The following SFXN2 variants were observed in gnomAD, a reference collection of about 807,000 sequenced individuals.
SFXN2 encodes sideroflexin-2.
In SFXN2, 37 loss-of-function variants were observed where a neutral mutation model predicts 41.9. That is an observed-to-expected ratio of 0.88 (90% CI 0.68 to 1.16). The LOEUF is 1.16. Ranked by LOEUF, SFXN2 falls within the 50% of genes most tolerant of loss-of-function variation. The pLI is 0.00. For synonymous variants in SFXN2, 150 were observed against 156.7 expected (o/e 0.96, Z 0.32); for missense variants, 386 against 425.2 (o/e 0.91, Z 0.81).
intron 3 of SFXN2, 71 bp downstream of exon 3, chr10:102,727,228 T>A: frequency 6.8e-7 from 1 of 1,475,710 alleles, no homozygotes; most frequent in Non-Finnish European, 9.2e-7. Context: ...CATACTATGA[T>A]AATAATAATA....
chr10:102,724,138 T>A lies in SFXN2; in HGVS notation c.-25-2474T>A, dbSNP rs1458163031. ...TGTTCCTGCATTAGTTTGCTAAGGA[T>A]AATGGCCTCCATCTTCATCCATGTC... On this transcript the variant is annotated intron_variant, in intron 1 of 11. Coordinates refer to ENST00000369893, the MANE Select transcript of SFXN2 (RefSeq NM_178858.6). Among the ~76,000 whole-genome samples, 2 of 152,258 alleles carry A rather than the reference T, an allele frequency of 1.3e-5. 1 individual carries two copies. The highest frequency in any genetic ancestry group is 1.3e-4 in the Admixed American group (2 of 15,280).
intron 1 of SFXN2, among the ~76,000 whole-genome samples, chr10:102,722,456 C>T (rs1264303492): frequency 2.6e-5 from 4 of 152,160 alleles, no homozygotes; most frequent in Non-Finnish European, 5.9e-5. Context: ...ATTGTTGCTA[C>T]TATTGTTTTA....
In SFXN2 at chr10:102,734,807, C is replaced by T. The variant is rs1480416429; in HGVS notation, c.822-1055C>T. ...TACCAACCCAGGTCTGTCAGAGTCCCGCGTCCTGTAAGACCTTGCCTCCCA... is the reference window on the plus strand; with the variant it reads ...TACCAACCCAGGTCTGTCAGAGTCCTGCGTCCTGTAAGACCTTGCCTCCCA... On this transcript the variant is annotated intron_variant, in intron 10 of 11. Transcript: ENST00000369893. The surrounding 1 kb of genome is among the most constrained non-coding windows in gnomAD (Gnocchi z 4.1). Among the ~76,000 whole-genome samples, 2 of 152,100 alleles carry T rather than the reference C, an allele frequency of 1.3e-5. No homozygotes were observed. The highest frequency in any genetic ancestry group is 2.1e-4 in the South Asian group (1 of 4,822).
chr10:102,727,225 T>C, intron 3 of SFXN2, 68 bp downstream of exon 3: 1 of 1,489,240 alleles, frequency 6.7e-7, no homozygotes, highest in South Asian at 1.3e-5. Context: ...AGCCATACTA[T>C]GATAATAATA....
chr10:102,733,013 C>G (rs1463080073), intron 9 of SFXN2, 105 bp downstream of exon 9: 8 of 1,160,770 alleles, frequency 6.9e-6, no homozygotes, highest in Non-Finnish European at 1.0e-5. Context: ...TTCCCTTTAG[C>G]TACCATGCTG....
intron 1 of SFXN2, among the ~76,000 whole-genome samples, chr10:102,726,100 G>A (rs1487587833): frequency 6.6e-6 from 1 of 151,878 alleles, no homozygotes; most frequent in East Asian, 1.9e-4. Flanking sequence ...CAGGTGCCTG[G>A]CACTGCGCCC....
chr10:102,740,767 C>G lies in SFXN2; in HGVS notation c.*3005C>G, dbSNP rs574958880. ...AATTTGATTTTAGCTGGTGTCTGAA[C>G]AGAAAAGTCTGTCTTTGAGCTAGCT... On this transcript the variant is annotated 3_prime_UTR_variant, in exon 12 of 12. Transcript: ENST00000369893. 1 of 152,164 alleles carries G rather than the reference C, an allele frequency of 6.6e-6. No individual in the cohort carries two copies. Among genetic ancestry groups the G allele is most frequent in the Non-Finnish European group, 1.5e-5 (1 of 68,036 alleles). The allele number at this position is 152,164 out of a possible 1,614,324, so 9.4% of individuals were successfully genotyped here. A position where few individuals can be genotyped will look rare whatever the true frequency, so the allele number is the denominator to read the frequency against.
chr10:102,733,802 G>A (rs552057072), intron 10 of SFXN2, among the ~76,000 whole-genome samples, 199 bp downstream of exon 10: 5 of 152,252 alleles, frequency 3.3e-5, no homozygotes, highest in African/African-American at 7.2e-5. Flanking sequence ...CTTTATGCAC[G>A]TGTCCATGTA....
chr10:102,736,571 C>T (rs534237786), intron 11 of SFXN2, among the ~76,000 whole-genome samples: 1 of 152,192 alleles, frequency 6.6e-6, no homozygotes, highest in African/African-American at 2.4e-5. Context: ...CACGTGCCAC[C>T]ACGCACAGCT....
Position 102,737,690 on chromosome 10 carries a change from G to T in SFXN2, c.897G>T (p.Pro299=). 1 of 1,612,508 alleles carries T rather than the reference G, an allele frequency of 6.2e-7. No homozygotes were observed. Among genetic ancestry groups the T allele is most frequent in the South Asian group, 1.1e-5 (1 of 90,966 alleles). The change falls in exon 12 of 12, where the codon CCG becomes CCT. Residue 299 remains proline (P), a synonymous_variant. Transcript: ENST00000369893. The stretch of plus-strand genomic sequence containing the variant: ...AATTGCCAGTTTCCTATCTGGAACC[G>T]AAGCTCCAAGACACTATCAAGGCCA... ...KCELPVSYLE[P]KLQDTIKAKY... is the part of the protein sequence containing the mutation.
intron 6 of SFXN2, among the ~76,000 whole-genome samples, chr10:102,730,888 C>A (rs1339978230): frequency 6.6e-6 from 1 of 152,148 alleles, no homozygotes; most frequent in African/African-American, 2.4e-5. Flanking sequence ...GAGATCGAGA[C>A]CATCCTGGCT....
chr10:102,728,631 C>G (rs1211985967), intron 4 of SFXN2, 102 bp downstream of exon 4: 2 of 958,068 alleles, frequency 2.1e-6, no homozygotes, highest in African/African-American at 1.6e-5. Flanking sequence ...CTGCACTGAG[C>G]AGGTGACCAA....
intron 1 of SFXN2, among the ~76,000 whole-genome samples, chr10:102,723,117 G>GA (rs991123848): frequency 5.4e-5 from 8 of 148,258 alleles, no homozygotes; most frequent in South Asian, 2.1e-4. Context: ...TTTTTTGGTA[G>GA]AAAAAAAAAT....
chr10:102,718,127 C>T (rs932979099), intron 1 of SFXN2, among the ~76,000 whole-genome samples: 7 of 152,228 alleles, frequency 4.6e-5, no homozygotes, highest in Admixed American at 2.0e-4. Flanking sequence ...GACAGGGACT[C>T]TGCAGTTTCT....
At chr10:102,725,190 C>T (rs1257007063) in intron 1 of SFXN2, among the ~76,000 whole-genome samples, 1 of 152,164 alleles carries the variant, frequency 6.6e-6, no homozygotes, top group East Asian at 1.9e-4. Context: ...CCTGCTGGTG[C>T]AGTGGTGAGG....
At chr10:102,736,683 G>A (rs1207226336) in intron 11 of SFXN2, among the ~76,000 whole-genome samples, 1 of 151,874 alleles carries the variant, frequency 6.6e-6, no homozygotes, top group African/African-American at 2.4e-5. Context: ...CCAAAGTGCT[G>A]GCACTACAGG....
rs1232931494 is a variant in SFXN2, at chr10:102,742,389, C to T, written c.*4627C>T. The T allele has an allele frequency of 6.6e-6, 1 of 151,818 alleles. No individual in the cohort carries two copies. The highest frequency in any genetic ancestry group is 2.4e-5 in the African/African-American group (1 of 41,236). 9.4% of individuals were successfully genotyped at this position (151,818 alleles called of 1,614,324 possible). ...CACAATGTTGGCCAGGCTCGAACTC[C>T]TGACCATGTGATCCGCCCACCTCGG... On this transcript the variant is annotated 3_prime_UTR_variant, in exon 12 of 12. Transcript: ENST00000369893.
intron 1 of SFXN2, among the ~76,000 whole-genome samples, chr10:102,720,118 G>A (rs2489741): frequency 0.44 from 66,196 of 151,388 alleles, 14,901 homozygotes; most frequent in South Asian, 0.59. Flanking sequence ...CGGTGAAACC[G>A]CGTCTCTACT....
chr10:102,725,374 C>A (rs2064576565), intron 1 of SFXN2, among the ~76,000 whole-genome samples: 2 of 152,226 alleles, frequency 1.3e-5, no homozygotes, highest in South Asian at 4.2e-4. Flanking sequence ...CTGGTACAAC[C>A]CAAGATGGTT....
Sources: allele counts gnomAD v4.1 joint callset (sites outside exome capture counted in the v4.1 genomes callset), GRCh38; gene constraint gnomAD v4.1.1; non-coding constraint Gnocchi (gnomAD v3.1); transcripts MANE v1.5; gene names NCBI Gene and HGNC (gene_info 2026-07-23, HGNC 2026-07-21).